RIF1: variants seen among roughly 807,000 people sequenced by gnomAD.
The protein encoded by RIF1 is replication timing regulatory factor 1.
Under a neutral mutation model 247.1 loss-of-function variants are expected in RIF1, and 45 were observed. The observed-to-expected ratio is 0.18, with a 90% CI of 0.14 to 0.23. The LOEUF is 0.23. Ranked by LOEUF, RIF1 falls within the 10% of genes least tolerant of loss-of-function variation. RIF1 has a pLI of 1.00. For missense variants in RIF1, 2,967 were observed against 2,862.5 expected (o/e 1.04, Z -0.83); for synonymous variants, 1,087 against 978.8 (o/e 1.11, Z -2.06).
At chr2:151,533,573 CA>C in the RIF1 span, 5 of 1,368,100 alleles carry the variant, frequency 3.7e-6, no homozygotes, top group Non-Finnish European at 5.0e-6. Flanking sequence ...CAGTGAAGCA[CA>C]AAAGAGACTT....
intron 27 of RIF1, 130 bp downstream of exon 27, chr2:151,461,419 T>C (rs2152489116): frequency 1.2e-6 from 1 of 812,052 alleles, no homozygotes; most frequent in South Asian, 1.6e-5. Flanking sequence ...TGACACGGAG[T>C]TTCACTCTGT....
At chr2:151,527,159 G>A in the RIF1 span, 2 of 645,448 alleles carry the variant, frequency 3.1e-6, no homozygotes, top group South Asian at 2.0e-5. Flanking sequence ...GAGCTTCTTG[G>A]TCCCTCACTG....
chr2:151,499,621 T>G (rs774324371), intron 11 of RIF1: 1 of 344,364 alleles, frequency 2.9e-6, no homozygotes, highest in Non-Finnish European at 5.3e-6. Context: ...CTTGAATATA[T>G]TTATTTCCTG....
rs1004367939 is a variant in RIF1 at position 151,465,338 on chromosome 2, G to A, written c.5818G>A (p.Glu1940Lys). The change falls in exon 30 of 36, where the codon GAA becomes AAA. Residue 1940 changes from glutamate (E) to lysine (K), a missense_variant. Physicochemically the swap from Glu to Lys is moderately conservative, Grantham distance 56. This residue lies in a region of RIF1 where 2,028 missense variants were observed against 1,825.6 expected (regional missense o/e 1.11). Transcript: ENST00000444746. ...QERTKTGISE[E>K]AAIEENKRND... ...GAGAACCAAAACTGGTATTTCTGAA[G>A]AAGCAGCAATAGAAGAAAATAAAAG... 2.5e-6 allele frequency: 4 copies of A among 1,613,746 alleles called. No homozygotes were observed. In the African/African-American group the frequency reaches 5.3e-5, roughly 22 times the overall value.
At chr2:151,439,135 CAT>C (rs896184918) in intron 14 of RIF1, among the ~76,000 whole-genome samples, 94 of 152,158 alleles carry the variant, frequency 6.2e-4, no homozygotes, top group African/African-American at 2.1e-3. Flanking sequence ...TAAGAGAAAA[CAT>C]AATCATTAAG....
In RIF1 at chr2:151,479,242, C is replaced by CT. The variant is rs2049068616; in HGVS notation, c.*4173dup. The CT allele has an allele frequency of 6.6e-6, 1 of 151,968 alleles. No homozygotes were observed. Among genetic ancestry groups the CT allele is most frequent in the Non-Finnish European group, 1.5e-5 (1 of 68,002 alleles). 9.4% of individuals were successfully genotyped at this position (151,968 alleles called of 1,614,324 possible). A position where few individuals can be genotyped will look rare whatever the true frequency, so the allele number is the denominator to read the frequency against. ...TGGGGATGCAGACTGGTTTTGAAGGCTTAAAGTTCAAAAATTATAAGAAAG... is the reference window on the plus strand; with the variant it reads ...TGGGGATGCAGACTGGTTTTGAAGGCTTTAAAGTTCAAAAATTATAAGAAAG... On this transcript the variant is annotated 3_prime_UTR_variant, in exon 36 of 36. Transcript: ENST00000444746.
At chr2:151,493,828 G>C in intron 9 of RIF1, 1 of 1,586,910 alleles carries the variant, frequency 6.3e-7, no homozygotes, top group Non-Finnish European at 8.6e-7. Context: ...GGAGTAAAGG[G>C]TGTGGGGGTT....
At chr2:151,412,257 A>T (rs1686369858) in intron 3 of RIF1, among the ~76,000 whole-genome samples, 1 of 16,516 alleles carries the variant, frequency 6.1e-5, no homozygotes, top group Admixed American at 1.2e-3. Flanking sequence ...TTTTATCTCC[A>T]AAGTTTGAGT....
chr2:151,446,699 C>T, intron 20 of RIF1, 124 bp downstream of exon 20: 2 of 966,858 alleles, frequency 2.1e-6, no homozygotes, highest in Non-Finnish European at 3.2e-6. Flanking sequence ...AAAGTTGATA[C>T]TGCAAACAAG....
intron 6 of RIF1, among the ~76,000 whole-genome samples, chr2:151,419,690 T>C (rs1687847732): frequency 6.6e-6 from 1 of 152,216 alleles, no homozygotes; most frequent in South Asian, 2.1e-4. Context: ...CGTACTTTTA[T>C]ATGAATGAGA....
At chr2:151,449,500 A>C (rs1409753533) in intron 20 of RIF1, among the ~76,000 whole-genome samples, 1 of 151,780 alleles carries the variant, frequency 6.6e-6, no homozygotes, top group Non-Finnish European at 1.5e-5. Context: ...GCTGGAGTAT[A>C]GTGGCTATTC....
intron 20 of RIF1, among the ~76,000 whole-genome samples, chr2:151,451,060 G>A (rs1469949805): frequency 1.3e-5 from 2 of 152,132 alleles, no homozygotes; most frequent in Admixed American, 1.3e-4. Flanking sequence ...TAAATATTGA[G>A]GAAGAGAAAG....
chr2:151,424,853 TTTTC>T (rs1202514362), intron 8 of RIF1, among the ~76,000 whole-genome samples: 2,685 of 139,252 alleles, frequency 0.019, 55 homozygotes, highest in East Asian at 0.11. Flanking sequence ...TTTTTTTTTT[TTTTC>T]CATATTTTTT....
intron 3 of RIF1, among the ~76,000 whole-genome samples, chr2:151,413,960 CTT>C (rs1432475286): frequency 6.6e-6 from 1 of 152,124 alleles, no homozygotes; most frequent in African/African-American, 2.4e-5. Flanking sequence ...TTGAGATACT[CTT>C]TGACAGATTT....
chr2:151,503,490 CT>C, intron 12 of RIF1: 1 of 1,268,396 alleles, frequency 7.9e-7, no homozygotes, highest in Non-Finnish European at 1.1e-6. Flanking sequence ...ACCGTAAATC[CT>C]TTAGATAGCA....
intron 1 of RIF1, 121 bp from the exon 2 acceptor site, chr2:151,410,293 A>G: frequency 2.7e-6 from 2 of 741,780 alleles, no homozygotes; most frequent in Admixed American, 4.6e-5. Context: ...TGGGGTGCAG[A>G]CGCGGCGTGG....
intron 8 of RIF1, among the ~76,000 whole-genome samples, chr2:151,428,568 T>A (rs149116561): frequency 3.9e-4 from 60 of 152,342 alleles, no homozygotes; most frequent in African/African-American, 1.4e-3. Context: ...GAGTTTAGAA[T>A]GTGTGTTTAA....
At chr2:151,426,259 C>G (rs577239137) in intron 8 of RIF1, among the ~76,000 whole-genome samples, 2 of 141,828 alleles carry the variant, frequency 1.4e-5, no homozygotes, top group East Asian at 4.6e-4. Flanking sequence ...ACTGCAACCT[C>G]TGCCTCCTGG....
intron 16 of RIF1, among the ~76,000 whole-genome samples, chr2:151,442,475 C>T (rs1574015410): frequency 6.7e-6 from 1 of 149,482 alleles, no homozygotes; most frequent in South Asian, 2.1e-4. Flanking sequence ...AAAGGAAAAA[C>T]TGATAGTTAA....
Sources: gnomAD v4.1 joint callset for allele counts (sites outside exome capture counted in the v4.1 genomes callset) on GRCh38, gnomAD v4.1.1 for gene constraint, gnomAD v4.1.1 regional missense constraint, MANE v1.5 for transcripts, NCBI Gene and HGNC (gene_info 2026-07-23, HGNC 2026-07-21) for gene names.